Variants in EED observed in about 807,000 individuals in gnomAD.
EED encodes embryonic ectoderm development.
In EED, 9 loss-of-function variants were observed where a neutral mutation model predicts 61.0. The observed-to-expected ratio is 0.15, with a 90% CI of 0.09 to 0.26. EED has a LOEUF of 0.26. Ranked by LOEUF, EED falls within the 10% of genes least tolerant of loss-of-function variation. The probability of loss-of-function intolerance (pLI) is 1.00; values close to 1 mark genes in which losing one functional copy is unlikely to be tolerated. For synonymous variants in EED, 187 were observed against 174.4 expected (o/e 1.07, Z -0.57); for missense variants, 315 against 542.3 (o/e 0.58, Z 4.16).
chr11:86,281,944 C>T (rs1367242133), downstream of EED, among the ~76,000 whole-genome samples: 5 of 152,008 alleles, frequency 3.3e-5, no homozygotes, highest in South Asian at 6.2e-4. Context: ...ATTATGTTTC[C>T]GAAAAGACAA....
At position 86,245,109 on chromosome 11, in the gene EED, G is replaced by C. The variant is rs565528782; in HGVS notation, c.-121G>C. 2.9e-5 allele frequency: 20 copies of C among 692,172 alleles called. No homozygotes were observed. In the Admixed American group the frequency reaches 6.1e-4, roughly 21 times the overall value. The allele number at this position is 692,172 out of a possible 1,614,324, so 42.9% of individuals were successfully genotyped here. ...TGGGCGCGATTTGCGACAGTGGGGG[G>C]GGCGGTGGAGGTGGCGGCGGCAGCG... On this transcript the variant is annotated 5_prime_UTR_variant, in exon 1 of 12. Transcript: ENST00000263360.
chr11:86,282,978 A>C (rs532891246), downstream of EED, among the ~76,000 whole-genome samples: 7 of 152,186 alleles, frequency 4.6e-5, no homozygotes, highest in East Asian at 1.4e-3. Flanking sequence ...ACAAATACAA[A>C]AAAAAATTAG....
chr11:86,251,483 C>T (rs1315674550), intron 2 of EED, among the ~76,000 whole-genome samples: 1 of 152,190 alleles, frequency 6.6e-6, no homozygotes, highest in African/African-American at 2.4e-5. Context: ...GTGCCTTAAA[C>T]TGCATCTGAA....
rs781537756 is a variant in EED, at chr11:86,244,898, A to G, written c.-332A>G. The G allele has an allele frequency of 2.6e-5, 7 of 265,594 alleles. No individual in the cohort carries two copies. Among genetic ancestry groups the G allele is most frequent in the Middle Eastern group, 2.1e-3 (2 of 960 alleles). 16.5% of individuals were successfully genotyped at this position (265,594 alleles called of 1,614,324 possible). A position where few individuals can be genotyped will look rare whatever the true frequency, so the allele number is the denominator to read the frequency against. On this transcript the variant is annotated 5_prime_UTR_variant, in exon 1 of 12. Coordinates refer to ENST00000263360, the MANE Select transcript of EED (RefSeq NM_003797.5). ...TCTCGAGGCGGTGGTGGGAAGGGAG[A>G]CATACTTAATACTGCCCTCTTAATC...
chr11:86,272,076 G>T (rs77252657), intron 9 of EED, among the ~76,000 whole-genome samples: 15 of 10,804 alleles, frequency 1.4e-3, no homozygotes, highest in East Asian at 7.4e-3. Context: ...TTTTTTTTTT[G>T]AGACGGAGTC....
At chr11:86,250,189 G>T in intron 1 of EED, 107 bp from the exon 2 acceptor site, 2 of 1,068,366 alleles carry the variant, frequency 1.9e-6, no homozygotes, top group South Asian at 3.5e-5. Context: ...TTTTCTTCTT[G>T]TAGAAATTAT....
Position 86,255,240 on chromosome 11 carries a change from C to G in EED, c.379C>G (p.His127Asp). 1 of 1,609,916 alleles carries G rather than the reference C, an allele frequency of 6.2e-7. No individual in the cohort carries two copies. The highest frequency in any genetic ancestry group is 8.5e-7 in the Non-Finnish European group (1 of 1,176,962). The change falls in exon 4 of 12, where the codon CAT becomes GAT. Residue 127 changes from histidine (H) to aspartate (D), a missense_variant. By Grantham distance (81) the His-to-Asp change is moderately conservative (BLOSUM62 -1). This residue lies in a region of EED where 205 missense variants were observed against 455.4 expected (regional missense o/e 0.45). Transcript: ENST00000263360. ...GSNRVTLYEC[H>D]SQGEIRLLQS... ...TCATTAGGTTACCTTGTATGAATGT[C>G]ATTCACAAGGAGAAATCCGGTTGTT...
At chr11:86,269,686 C>G (rs1946065493) in intron 9 of EED, among the ~76,000 whole-genome samples, 1 of 152,084 alleles carries the variant, frequency 6.6e-6, no homozygotes, top group South Asian at 2.1e-4. Flanking sequence ...AGAAAATTGA[C>G]ACTGGTACAA....
intron 9 of EED, among the ~76,000 whole-genome samples, chr11:86,271,923 G>A (rs1946120384): frequency 7.0e-6 from 1 of 142,594 alleles, no homozygotes; most frequent in African/African-American, 2.5e-5. Flanking sequence ...TATTCGTGAG[G>A]TATGATACTG....
In EED at chr11:86,252,129, T is replaced by C; in HGVS notation, c.268-19T>C. 6.3e-7 allele frequency: 1 copy of C among 1,595,694 alleles called. No individual in the cohort carries two copies. The highest frequency in any genetic ancestry group is 8.6e-7 in the Non-Finnish European group (1 of 1,165,806). On this transcript the variant is annotated intron_variant, in intron 2 of 11. Transcript: ENST00000263360. ...TGTAAGATACATTAATCTTTTCTTATTTCATGATTATTTTATAGGAAGATC... is the reference window on the plus strand; with the variant it reads ...TGTAAGATACATTAATCTTTTCTTACTTCATGATTATTTTATAGGAAGATC...
intron 5 of EED, 34 bp downstream of exon 5, chr11:86,256,546 C>T: frequency 6.6e-7 from 1 of 1,523,516 alleles, no homozygotes; most frequent in Non-Finnish European, 8.9e-7. Context: ...AGATCTGCTT[C>T]TTTTGAATCC....
chr11:86,273,497 T>C (rs755513643), intron 9 of EED, among the ~76,000 whole-genome samples: 1 of 152,254 alleles, frequency 6.6e-6, no homozygotes, highest in Non-Finnish European at 1.5e-5. Context: ...GCATTTTCTG[T>C]TGTTCTTCCT....
chr11:86,272,557 G>A (rs923484866), intron 9 of EED, among the ~76,000 whole-genome samples: 3 of 152,252 alleles, frequency 2.0e-5, no homozygotes, highest in African/African-American at 7.2e-5. Flanking sequence ...TCCTTGTTCG[G>A]TGTCTACTGT....
At chr11:86,273,340 C>A (rs920047673) in intron 9 of EED, among the ~76,000 whole-genome samples, 4 of 152,220 alleles carry the variant, frequency 2.6e-5, no homozygotes, top group African/African-American at 9.6e-5. Context: ...GCTTCCTTCC[C>A]TTTACATCAC....
At chr11:86,269,433 T>C (rs920141965) in intron 9 of EED, among the ~76,000 whole-genome samples, 1 of 152,194 alleles carries the variant, frequency 6.6e-6, no homozygotes, top group African/African-American at 2.4e-5. Flanking sequence ...TTTGGTGAAA[T>C]TGCTGTCCGG....
intron 6 of EED, 93 bp downstream of exon 6, chr11:86,257,689 C>A: frequency 9.9e-7 from 1 of 1,013,492 alleles, no homozygotes; most frequent in Non-Finnish European, 1.4e-6. Context: ...ATAGGAAAAA[C>A]CATGAGAAGA....
At chr11:86,258,805 C>T (rs182789460) in intron 6 of EED, among the ~76,000 whole-genome samples, 136 of 151,940 alleles carry the variant, frequency 9.0e-4, no homozygotes, top group Non-Finnish European at 1.3e-3. Context: ...ATCCGCCTGT[C>T]TCAGCCTCCT....
intron 5 of EED, 107 bp from the exon 6 acceptor site, chr11:86,257,408 A>G: frequency 1.8e-6 from 1 of 563,888 alleles, no homozygotes; most frequent in Non-Finnish European, 2.6e-6. Flanking sequence ...GCCAAGGTTG[A>G]GAACCACTAC....
the EED span, among the ~76,000 whole-genome samples, chr11:86,286,520 GA>G: frequency 1.3e-5 from 2 of 152,200 alleles, no homozygotes; most frequent in Non-Finnish European, 2.9e-5. Flanking sequence ...AAAGTCTAAA[GA>G]AATGATGGTC....
Sources: gnomAD v4.1 joint callset for allele counts (sites outside exome capture counted in the v4.1 genomes callset) on GRCh38, gnomAD v4.1.1 for gene constraint, gnomAD v4.1.1 regional missense constraint, MANE v1.5 for transcripts, NCBI Gene and HGNC (gene_info 2026-07-23, HGNC 2026-07-21) for gene names.